The following OSBP2 variants were observed in gnomAD, a reference collection of about 807,000 sequenced individuals.
OSBP2 encodes the protein oxysterol binding protein 2, also known as oxysterol-binding protein 2.
In OSBP2, 66 loss-of-function variants were observed where a neutral mutation model predicts 96.0. The ratio of observed to expected loss-of-function variants is 0.69; its 90% CI spans 0.56 to 0.84. The LOEUF (loss-of-function observed/expected upper bound fraction) is 0.84, where lower values mean the gene tolerates loss of function less well. OSBP2 is among the 40% of genes least tolerant of loss of function. The pLI is 0.00. For missense variants in OSBP2, 1,038 were observed against 1,222.7 expected, an observed-to-expected ratio of 0.85 and a Z score of 2.25; for synonymous variants, 525 against 520.9, an observed-to-expected ratio of 1.01 and a Z score of -0.11.
Position 30,890,636 on chromosome 22 carries a change from G to A in OSBP2, c.1624-92G>A. On this transcript the variant is annotated intron_variant, in intron 7 of 13. Transcript: ENST00000332585. This position sits in a 1 kb window ranked among gnomAD's most constrained non-coding sequence, Gnocchi z 4.4. Reference sequence around the variant, plus strand: ...GCCTCACTGTGAAGGTGCTGTCTGAGCAGGGATGTCCCTGAACATCCGAGA... The same window carrying A: ...GCCTCACTGTGAAGGTGCTGTCTGAACAGGGATGTCCCTGAACATCCGAGA... The A allele has an allele frequency of 7.0e-7, 1 of 1,422,282 alleles. No homozygotes were observed. Among genetic ancestry groups the A allele is most frequent in the Non-Finnish European group, 9.7e-7 (1 of 1,031,038 alleles). The allele number at this position is 1,422,282 out of a possible 1,614,324, so 88.1% of individuals were successfully genotyped here.
chr22:30,891,063 C>T (rs1490153223), intron 8 of OSBP2, 90 bp downstream of exon 8: 11 of 1,475,316 alleles, frequency 7.5e-6, no homozygotes, highest in Middle Eastern at 2.2e-4. Flanking sequence ...TGGGAGGCAG[C>T]GTCTGTCTGA....
intron 2 of OSBP2, among the ~76,000 whole-genome samples, chr22:30,756,890 A>G (rs1160830080): frequency 6.6e-6 from 1 of 152,040 alleles, no homozygotes; most frequent in Non-Finnish European, 1.5e-5. Context: ...CCCTTTGCTG[A>G]GCACACGTAC....
At chr22:30,892,703 C>T (rs2039975419) in intron 8 of OSBP2, among the ~76,000 whole-genome samples, 1 of 152,160 alleles carries the variant, frequency 6.6e-6, no homozygotes, top group Admixed American at 6.5e-5. Flanking sequence ...GCTAAAATCA[C>T]TCTGCCAGTC....
At chr22:30,817,763 C>G (rs2091098972) in intron 2 of OSBP2, among the ~76,000 whole-genome samples, 2 of 152,210 alleles carry the variant, frequency 1.3e-5, no homozygotes, top group South Asian at 4.1e-4. Flanking sequence ...AGGCCTCCAA[C>G]TCTGCCCTGA....
At chr22:30,903,226 A>G (rs2147194665) in intron 12 of OSBP2, among the ~76,000 whole-genome samples, 2 of 152,320 alleles carry the variant, frequency 1.3e-5, no homozygotes, top group Admixed American at 6.5e-5. Context: ...TCTGACCTGC[A>G]TGTTGAGTTC....
At chr22:30,817,357 T>C (rs548905778) in intron 2 of OSBP2, among the ~76,000 whole-genome samples, 6 of 152,266 alleles carry the variant, frequency 3.9e-5, no homozygotes, top group African/African-American at 1.2e-4. Flanking sequence ...AGCCCCTCAT[T>C]AGTGATGAGC....
intron 2 of OSBP2, among the ~76,000 whole-genome samples, chr22:30,744,725 C>A (rs149866034): frequency 1.1e-3 from 164 of 152,268 alleles, no homozygotes; most frequent in Middle Eastern, 0.01. Context: ...CACGCCACTA[C>A]ACTTCAGCCT....
At chr22:30,715,121 T>A (rs1268857140) in intron 1 of OSBP2, among the ~76,000 whole-genome samples, 1 of 152,024 alleles carries the variant, frequency 6.6e-6, no homozygotes, top group Non-Finnish European at 1.5e-5. Context: ...AGCCTGGAAC[T>A]CCTGGGCTCA....
chr22:30,700,626 A>G (rs2089141882), intron 1 of OSBP2, among the ~76,000 whole-genome samples: 1 of 152,116 alleles, frequency 6.6e-6, no homozygotes, highest in African/African-American at 2.4e-5. Context: ...TATAAATGAC[A>G]TTTATTTCTC....
chr22:30,807,962 A>G (rs1285022387), intron 2 of OSBP2, among the ~76,000 whole-genome samples: 1 of 151,852 alleles, frequency 6.6e-6, no homozygotes, highest in African/African-American at 2.4e-5. Context: ...ATTTATTTGT[A>G]TGTTTTTTGT....
intron 2 of OSBP2, among the ~76,000 whole-genome samples, chr22:30,745,656 G>A (rs1297318416): frequency 8.9e-6 from 1 of 112,864 alleles, no homozygotes; most frequent in East Asian, 2.9e-4. Context: ...AACAGAGTGA[G>A]ACTCTGTCTC....
chr22:30,906,108 A>C, intron 13 of OSBP2, 39 bp downstream of exon 13: 2 of 889,764 alleles, frequency 2.2e-6, no homozygotes, highest in Non-Finnish European at 3.4e-6. Flanking sequence ...AGGGGAGGAA[A>C]GGGGTGCCCG....
At chr22:30,761,757 A>G (rs916659087) in intron 2 of OSBP2, among the ~76,000 whole-genome samples, 6 of 152,346 alleles carry the variant, frequency 3.9e-5, no homozygotes, top group African/African-American at 1.2e-4. Flanking sequence ...CATTAATGGA[A>G]CAGAATGGAG....
In OSBP2 at chr22:30,797,772, C is replaced by T. The variant is rs576261083; in HGVS notation, c.853+56403C>T. ...ATGCCTGGCTAATCTTTGTACTTTTCGTAGAGAGATGGGGTTTTGCCATGT... is the reference window on the plus strand; with the variant it reads ...ATGCCTGGCTAATCTTTGTACTTTTTGTAGAGAGATGGGGTTTTGCCATGT... On this transcript the variant is annotated intron_variant, in intron 2 of 13. Transcript: ENST00000332585. Among the ~76,000 whole-genome samples the T allele has an allele frequency of 7.9e-5, 12 of 151,886 alleles. 1 individual carries two copies. Among genetic ancestry groups the T allele is most frequent in the Admixed American group, 2.0e-4 (3 of 15,206 alleles).
At chr22:30,810,707 C>T (rs2090994875) in intron 2 of OSBP2, among the ~76,000 whole-genome samples, 2 of 152,210 alleles carry the variant, frequency 1.3e-5, no homozygotes. Flanking sequence ...GGCTCTGCTC[C>T]TCCGCCTCAT....
At chr22:30,827,525 C>A (rs2038429084) in intron 2 of OSBP2, among the ~76,000 whole-genome samples, 1 of 152,176 alleles carries the variant, frequency 6.6e-6, no homozygotes, top group South Asian at 2.1e-4. Flanking sequence ...GTAGTAGGAT[C>A]CTTTCTATCT....
At chr22:30,778,187 T>TTTTTTTTTTTTTTTTG in intron 2 of OSBP2, among the ~76,000 whole-genome samples, 1 of 145,700 alleles carries the variant, frequency 6.9e-6, no homozygotes, top group Non-Finnish European at 1.5e-5. Context: ...TTTTTTTTTT[T>TTTTTTTTTTTTTTTTG]TTTAGTAGAG....
At chr22:30,847,714 GT>G (rs2038898550) in intron 2 of OSBP2, among the ~76,000 whole-genome samples, 1 of 152,168 alleles carries the variant, frequency 6.6e-6, no homozygotes, top group Non-Finnish European at 1.5e-5. Flanking sequence ...GTTTTGGTAT[GT>G]TTGTATTTCA....
At chr22:30,846,397 C>T (rs1370972131) in intron 2 of OSBP2, among the ~76,000 whole-genome samples, 7 of 152,246 alleles carry the variant, frequency 4.6e-5, no homozygotes, top group South Asian at 2.1e-4. Flanking sequence ...GTGATCCACC[C>T]GCCTTGGCCT....
Sources: gnomAD v4.1 joint callset for allele counts (sites outside exome capture counted in the v4.1 genomes callset) on GRCh38, gnomAD v4.1.1 for gene constraint, Gnocchi (gnomAD v3.1) non-coding constraint, MANE v1.5 for transcripts, NCBI Gene and HGNC (gene_info 2026-07-23, HGNC 2026-07-21) for gene names.